The following CACNA2D4 variants were observed in gnomAD, a reference collection of about 807,000 sequenced individuals.
The protein encoded by CACNA2D4 is calcium voltage-gated channel auxiliary subunit alpha2delta 4.
CACNA2D4 carries 157 observed loss-of-function variants against 163.8 expected under a neutral mutation model. The observed-to-expected ratio is 0.96, with a 90% confidence interval of 0.84 to 1.09. The LOEUF (loss-of-function observed/expected upper bound fraction) is 1.09. Among genes scored for constraint, CACNA2D4 ranks in the 50% least tolerant of loss-of-function variants. The pLI is 0.00. For missense variants in CACNA2D4, 1,410 were observed against 1,479.9 expected (o/e 0.95, Z 0.78); for synonymous variants, 598 against 586.9 (o/e 1.02, Z -0.27).
chr12:1,911,021 A>ATT (rs374264665), intron 3 of CACNA2D4, among the ~76,000 whole-genome samples: 20,190 of 133,232 alleles, frequency 0.15, 1,863 homozygotes, highest in East Asian at 0.44. Flanking sequence ...CCGCAATACA[A>ATT]TTTTTTTTTT....
In CACNA2D4 at chr12:1,834,933, T is replaced by C. The variant is rs1013290812; in HGVS notation, c.2551+5806A>G. 5 of 843,308 alleles carry C rather than the reference T, an allele frequency of 5.9e-6. No individual in the cohort carries two copies. Among genetic ancestry groups the C allele is most frequent in the Non-Finnish European group, 8.8e-6 (5 of 568,812 alleles). The allele number at this position is 843,308 out of a possible 1,614,324, so 52.2% of individuals were successfully genotyped here. A position where few individuals can be genotyped will look rare whatever the true frequency, so the allele number is the denominator to read the frequency against. ...CTGGGGGCTCCTGCTGATGCTCCTGTCTGGGCCAGTAAATCTTTGGAACAT... is the reference window on the plus strand; with the variant it reads ...CTGGGGGCTCCTGCTGATGCTCCTGCCTGGGCCAGTAAATCTTTGGAACAT... On this transcript the variant is annotated intron_variant, in intron 26 of 37. Coordinates refer to ENST00000382722, the MANE Select transcript of CACNA2D4 (RefSeq NM_172364.5). This position sits in a 1 kb window ranked among gnomAD's most constrained non-coding sequence, Gnocchi z 7.6.
chr12:1,850,498 C>T (rs569410804), intron 23 of CACNA2D4, among the ~76,000 whole-genome samples: 8 of 152,110 alleles, frequency 5.3e-5, no homozygotes, highest in East Asian at 3.8e-4. Flanking sequence ...TATAGAGTAA[C>T]CCTTTATCTG....
chr12:1,865,748 G>A (rs183270865), intron 18 of CACNA2D4, among the ~76,000 whole-genome samples: 2,912 of 152,322 alleles, frequency 0.019, 80 homozygotes, highest in African/African-American at 0.057. Context: ...GGGAACCGGG[G>A]CGCGGGGAGG....
intron 12 of CACNA2D4, 183 bp downstream of exon 12, chr12:1,884,060 C>G: frequency 1.7e-6 from 1 of 573,594 alleles, no homozygotes; most frequent in Non-Finnish European, 3.1e-6. Context: ...GGAGACAGAG[C>G]TGACATTGTC....
chr12:1,854,152 T>C, intron 22 of CACNA2D4, 108 bp from the exon 23 acceptor site: 1 of 754,412 alleles, frequency 1.3e-6, no homozygotes, highest in Non-Finnish European at 2.1e-6. Flanking sequence ...AACGTGTCTA[T>C]GGGACATGTA....
At chr12:1,857,491 G>A (rs965715324) in intron 20 of CACNA2D4, among the ~76,000 whole-genome samples, 1 of 152,206 alleles carries the variant, frequency 6.6e-6, no homozygotes. Flanking sequence ...CCACAAGAGA[G>A]GTGACAATGA....
chr12:1,890,038 C>T (rs1866240202), intron 6 of CACNA2D4, among the ~76,000 whole-genome samples: 1 of 152,164 alleles, frequency 6.6e-6, no homozygotes, highest in Non-Finnish European at 1.5e-5. Context: ...CCAGGATTGG[C>T]TGGGAGCCTC....
intron 26 of CACNA2D4, among the ~76,000 whole-genome samples, chr12:1,815,171 C>A (rs1863834499): frequency 6.6e-6 from 1 of 152,212 alleles, no homozygotes; most frequent in Non-Finnish European, 1.5e-5. Context: ...GGACTACAGG[C>A]GTGAGTCATT....
chr12:1,895,856 C>T (rs1379362839), intron 6 of CACNA2D4, among the ~76,000 whole-genome samples: 1 of 151,968 alleles, frequency 6.6e-6, no homozygotes, highest in African/African-American at 2.4e-5. Context: ...TCATGCTGGC[C>T]TCAAACTCAT....
chr12:1,915,138 A>G, intron 1 of CACNA2D4: 1 of 703,916 alleles, frequency 1.4e-6, no homozygotes, highest in Non-Finnish European at 2.6e-6. Context: ...CCCCCCACAC[A>G]CATGCATATG....
Position 1,834,855 on chromosome 12 carries a change from A to G in CACNA2D4, c.2551+5884T>C. 7.0e-7 allele frequency: 1 copy of G among 1,423,770 alleles called. No individual in the cohort carries two copies. The highest frequency in any genetic ancestry group is 1.5e-5 in the South Asian group (1 of 66,884). 88.2% of individuals were successfully genotyped at this position (1,423,770 alleles called of 1,614,324 possible). On this transcript the variant is annotated intron_variant, in intron 26 of 37. Coordinates refer to ENST00000382722, the MANE Select transcript of CACNA2D4 (RefSeq NM_172364.5). The surrounding 1 kb of genome is among the most constrained non-coding windows in gnomAD (Gnocchi z 7.6). ...CCTCCTCCCCGCCCTCCAGCAGACAAGCCACACCGGGTTCTCTCCCTGCAC... is the reference window on the plus strand; with the variant it reads ...CCTCCTCCCCGCCCTCCAGCAGACAGGCCACACCGGGTTCTCTCCCTGCAC...
At chr12:1,811,121 G>A (rs966929661) in intron 27 of CACNA2D4, among the ~76,000 whole-genome samples, 38 of 152,240 alleles carry the variant, frequency 2.5e-4, no homozygotes, top group African/African-American at 8.9e-4. Flanking sequence ...AGAGTCAGGC[G>A]GCAGCAGCAA....
rs772800936 is a variant in CACNA2D4, at chr12:1,917,883, C to T, written c.227+364G>A. 3.0e-5 allele frequency: 7 copies of T among 232,680 alleles called. No individual in the cohort carries two copies. The highest frequency in any genetic ancestry group is 5.8e-5 in the Non-Finnish European group (7 of 120,204). The allele number at this position is 232,680 out of a possible 1,614,324, so 14.4% of individuals were successfully genotyped here. On this transcript the variant is annotated intron_variant, in intron 1 of 37. Coordinates refer to ENST00000382722, the MANE Select transcript of CACNA2D4 (RefSeq NM_172364.5). This position sits in a 1 kb window ranked among gnomAD's most constrained non-coding sequence, Gnocchi z 4.3. ...GGGGAGCTGCGATGCTGAGATAACC[C>T]GGCTCCTCCAGGCTGCCTCATCTCA...
chr12:1,911,327 CT>C (rs985882399), intron 3 of CACNA2D4, among the ~76,000 whole-genome samples: 2 of 151,348 alleles, frequency 1.3e-5, no homozygotes. Context: ...ATTTTTTTTT[CT>C]TTTTTTCTAA....
chr12:1,898,867 T>C (rs1034653117), intron 6 of CACNA2D4, among the ~76,000 whole-genome samples: 3 of 152,132 alleles, frequency 2.0e-5, no homozygotes, highest in Admixed American at 6.5e-5. Context: ...TTATATGTTG[T>C]ACATAGAATA....
At chr12:1,899,075 AG>A (rs1428030413) in intron 6 of CACNA2D4, among the ~76,000 whole-genome samples, 1 of 152,180 alleles carries the variant, frequency 6.6e-6, no homozygotes, top group Non-Finnish European at 1.5e-5. Context: ...AAAATGGTTA[AG>A]ATAGTAAATG....
chr12:1,909,273 G>C (rs1866753997), intron 4 of CACNA2D4, among the ~76,000 whole-genome samples: 1 of 152,138 alleles, frequency 6.6e-6, no homozygotes, highest in Non-Finnish European at 1.5e-5. Context: ...CTCACTGCAA[G>C]CTCCGCCTCC....
chr12:1,884,160 G>A (rs1026855306), intron 12 of CACNA2D4, 83 bp downstream of exon 12: 17 of 1,256,602 alleles, frequency 1.4e-5, no homozygotes, highest in East Asian at 2.5e-5. Flanking sequence ...GGGGAAGCCC[G>A]TGCTCAGCAC....
intron 32 of CACNA2D4, 141 bp downstream of exon 32, chr12:1,800,245 C>T: frequency 9.9e-7 from 1 of 1,011,804 alleles, no homozygotes; most frequent in Non-Finnish European, 1.5e-6. Context: ...GGCGTCCATG[C>T]CCAGGGATTG....
Sources: allele counts gnomAD v4.1 joint callset (sites outside exome capture counted in the v4.1 genomes callset), GRCh38; gene constraint gnomAD v4.1.1; non-coding constraint Gnocchi (gnomAD v3.1); transcripts MANE v1.5; gene names NCBI Gene and HGNC (gene_info 2026-07-23, HGNC 2026-07-21).